The following COBL variants were observed in gnomAD, a reference collection of about 807,000 sequenced individuals.
COBL encodes cordon-bleu WH2 repeat protein, also known as protein cordon-bleu.
COBL carries 51 observed loss-of-function variants against 98.8 expected under a neutral mutation model. The observed-to-expected ratio is 0.52, with a 90% CI of 0.41 to 0.65. The LOEUF (loss-of-function observed/expected upper bound fraction) is 0.65, where lower values mean the gene tolerates loss of function less well. Ranked by LOEUF, COBL falls within the 30% of genes least tolerant of loss-of-function variation. The pLI, the probability that COBL is intolerant of heterozygous loss-of-function variation, is 0.00. For synonymous variants in COBL, 634 were observed against 651.7 expected (o/e 0.97, Z 0.41); for missense variants, 1,617 against 1,617.5 (o/e 1.00, Z 0.01).
At chr7:51,073,436 T>C in intron 7 of COBL, 3 of 638,152 alleles carry the variant, frequency 4.7e-6, no homozygotes, top group Non-Finnish European at 5.8e-6. Flanking sequence ...TGCGGTGAAA[T>C]AAATATCTGC....
chr7:51,134,886 T>C, intron 6 of COBL, among the ~76,000 whole-genome samples: 1 of 152,360 alleles, frequency 6.6e-6, no homozygotes, highest in Middle Eastern at 3.4e-3. Context: ...TTTATTTTTA[T>C]GAAAACACAG....
At chr7:51,165,386 G>T (rs1250256542) in intron 5 of COBL, among the ~76,000 whole-genome samples, 1 of 152,052 alleles carries the variant, frequency 6.6e-6, no homozygotes, top group Non-Finnish European at 1.5e-5. Flanking sequence ...ATTATGTAAT[G>T]ATAAAGGGGT....
intron 7 of COBL, among the ~76,000 whole-genome samples, chr7:51,081,823 T>C (rs753889065): frequency 1.3e-5 from 2 of 152,144 alleles, no homozygotes; most frequent in Non-Finnish European, 2.9e-5. Context: ...CCGACTCTCA[T>C]GGCCTTGGTG....
chr7:51,085,330 C>A, intron 6 of COBL, 26 bp from the exon 7 acceptor site: 1 of 1,581,818 alleles, frequency 6.3e-7, no homozygotes, highest in South Asian at 1.2e-5. Context: ...AAGGAAAGTA[C>A]AATCAAAGTA....
At chr7:51,109,460 G>A (rs1796632945) in intron 6 of COBL, among the ~76,000 whole-genome samples, 1 of 152,076 alleles carries the variant, frequency 6.6e-6, no homozygotes, top group Admixed American at 6.5e-5. Context: ...TCACTGCACT[G>A]CTCCTGAAGC....
At chr7:51,071,772 C>T (rs1187858645) in intron 7 of COBL, 1 of 152,200 alleles carries the variant, frequency 6.6e-6, no homozygotes, top group Non-Finnish European at 1.5e-5. Flanking sequence ...CAATCTTCTA[C>T]AATCTTTAAG....
At chr7:51,161,264 C>A (rs1786774751) in intron 5 of COBL, among the ~76,000 whole-genome samples, 1 of 152,236 alleles carries the variant, frequency 6.6e-6, no homozygotes, top group African/African-American at 2.4e-5. Flanking sequence ...TTTGCAAGTT[C>A]TCTGTAATCC....
At chr7:51,246,868 A>C in intron 1 of COBL, among the ~76,000 whole-genome samples, 1 of 152,198 alleles carries the variant, frequency 6.6e-6, no homozygotes, top group Non-Finnish European at 1.5e-5. Flanking sequence ...AAATGACTAC[A>C]TTGAACGATT....
chr7:51,096,509 A>G (rs1795282713), intron 6 of COBL, among the ~76,000 whole-genome samples: 1 of 152,110 alleles, frequency 6.6e-6, no homozygotes, highest in Admixed American at 6.5e-5. Flanking sequence ...AGGCAGAAAT[A>G]AATGAAATAG....
intron 7 of COBL, among the ~76,000 whole-genome samples, chr7:51,049,953 T>A (rs182176598): frequency 6.6e-6 from 1 of 152,334 alleles, no homozygotes; most frequent in East Asian, 1.9e-4. Flanking sequence ...CTAGGCACAG[T>A]TTCCTCCAAG....
intron 1 of COBL, among the ~76,000 whole-genome samples, chr7:51,275,452 T>C (rs1799211840): frequency 6.6e-6 from 1 of 152,222 alleles, no homozygotes; most frequent in South Asian, 2.1e-4. Flanking sequence ...CCTCCAGTTC[T>C]GTCTGACAGG....
At chr7:51,220,746 A>G (rs927747074) in intron 1 of COBL, among the ~76,000 whole-genome samples, 3 of 152,126 alleles carry the variant, frequency 2.0e-5, no homozygotes, top group Admixed American at 1.3e-4. Flanking sequence ...CCAGGTAGTG[A>G]GCACAGTACC....
At chr7:51,025,014 C>T (rs1329784923) in intron 12 of COBL, 95 bp downstream of exon 12, 17 of 1,552,402 alleles carry the variant, frequency 1.1e-5, no homozygotes, top group Admixed American at 8.5e-5. Flanking sequence ...GTGACCGCCT[C>T]GCAGCTCCTG....
chr7:51,276,487 G>T (rs1799324879), intron 1 of COBL, among the ~76,000 whole-genome samples: 1 of 152,226 alleles, frequency 6.6e-6, no homozygotes, highest in Non-Finnish European at 1.5e-5. Flanking sequence ...ATCCACTGTG[G>T]GCTTTCTTGC....
chr7:51,132,834 T>G (rs1798881723), intron 6 of COBL, among the ~76,000 whole-genome samples: 1 of 152,056 alleles, frequency 6.6e-6, no homozygotes, highest in African/African-American at 2.4e-5. Context: ...ACGGAGGGGC[T>G]GCCACACACT....
At chr7:51,263,334 A>G (rs1210432401) in intron 1 of COBL, among the ~76,000 whole-genome samples, 1 of 152,194 alleles carries the variant, frequency 6.6e-6, no homozygotes, top group Non-Finnish European at 1.5e-5. Context: ...ACGTGTGAGA[A>G]GGAGGGAGCA....
intron 1 of COBL, among the ~76,000 whole-genome samples, chr7:51,249,892 A>G (rs1796579062): frequency 6.6e-6 from 1 of 152,282 alleles, no homozygotes; most frequent in Non-Finnish European, 1.5e-5. Flanking sequence ...ATTTGAGGCC[A>G]GGAGTTCGAG....
At chr7:51,052,142 G>A (rs1790310347) in intron 7 of COBL, among the ~76,000 whole-genome samples, 1 of 152,168 alleles carries the variant, frequency 6.6e-6, no homozygotes, top group African/African-American at 2.4e-5. Flanking sequence ...GCCCCCTGTA[G>A]TGTGGATATT....
intron 3 of COBL, 46 bp downstream of exon 3, chr7:51,193,333 T>G: frequency 6.4e-7 from 1 of 1,563,754 alleles, no homozygotes; most frequent in Non-Finnish European, 8.8e-7. Context: ...ACTCAGGACC[T>G]GCCACACATT....
Sources: allele counts gnomAD v4.1 joint callset (sites outside exome capture counted in the v4.1 genomes callset), GRCh38; gene constraint gnomAD v4.1.1; transcripts MANE v1.5; gene names NCBI Gene and HGNC (gene_info 2026-07-23, HGNC 2026-07-21).